The following TMEM212 variants were observed in gnomAD, a reference collection of about 807,000 sequenced individuals.
TMEM212 encodes the protein transmembrane protein 212.
A neutral mutation model predicts 20.5 loss-of-function variants in TMEM212; 23 were observed. The ratio of observed to expected loss-of-function variants is 1.12; its 90% CI spans 0.81 to 1.59. TMEM212 has a LOEUF of 1.59. Among genes scored for constraint, TMEM212 ranks in the 40% most tolerant of loss-of-function variants. The probability of loss-of-function intolerance (pLI) is 0.00; values close to 1 mark genes in which losing one functional copy is unlikely to be tolerated. For synonymous variants in TMEM212, 76 were observed against 81.6 expected (o/e 0.93, Z 0.37); for missense variants, 211 against 215.0 (o/e 0.98, Z 0.12).
At chr3:171,854,673 A>T (rs1247664853) in intron 3 of TMEM212, among the ~76,000 whole-genome samples, 1 of 152,214 alleles carries the variant, frequency 6.6e-6, no homozygotes, top group Non-Finnish European at 1.5e-5. Flanking sequence ...TCTACAAAAG[A>T]CCACACATAG....
intron 1 of TMEM212, among the ~76,000 whole-genome samples, chr3:171,851,153 C>T (rs1266090455): frequency 2.0e-5 from 3 of 152,194 alleles, no homozygotes; most frequent in East Asian, 3.8e-4. Flanking sequence ...CTCGCTCAAC[C>T]TCAAAAGAGC....
chr3:171,849,459 G>A (rs1042918955), intron 1 of TMEM212, among the ~76,000 whole-genome samples: 4 of 152,092 alleles, frequency 2.6e-5, no homozygotes, highest in African/African-American at 9.7e-5. Context: ...TAGCCTTTCT[G>A]TGCCTCATTT....
At chr3:171,851,862 A>C (rs1450145772) in intron 1 of TMEM212, 120 bp from the exon 2 acceptor site, 4 of 874,458 alleles carry the variant, frequency 4.6e-6, no homozygotes, top group Admixed American at 2.1e-5. Flanking sequence ...CCATAAATCC[A>C]CTGAGTCATT....
At chr3:171,854,774 G>A (rs1334778219) in intron 3 of TMEM212, among the ~76,000 whole-genome samples, 1 of 152,218 alleles carries the variant, frequency 6.6e-6, no homozygotes, top group East Asian at 1.9e-4. Flanking sequence ...AAAACAGTAA[G>A]GCACTAGCAT....
Position 171,853,810 on chromosome 3 carries a change from T to C in TMEM212, c.503T>C (p.Ile168Thr). The part of the protein sequence containing the change: ...TLLCTSLTVF[I>T]KLSARLIQNG... ...CTCTGTACATCCTTGACAGTGTTCA[T>C]CAAACTTTCTGCAAGACTTATCCAG... Residue 168 changes from isoleucine (I) to threonine (T), a missense_variant, in exon 3 of 5, where the codon ATC (isoleucine) becomes ACC (threonine). Transcript: ENST00000334567. 1 of 1,536,948 alleles carries C rather than the reference T, an allele frequency of 6.5e-7. No individual in the cohort carries two copies. Among genetic ancestry groups the C allele is most frequent in the Non-Finnish European group, 8.7e-7 (1 of 1,146,754 alleles).
At chr3:171,855,507 T>A (rs1484942044) in intron 3 of TMEM212, among the ~76,000 whole-genome samples, 2 of 152,142 alleles carry the variant, frequency 1.3e-5, no homozygotes, top group Non-Finnish European at 2.9e-5. Context: ...AAAACAATTA[T>A]TGAGTACCTA....
At chr3:171,851,374 G>T (rs73032463) in intron 1 of TMEM212, among the ~76,000 whole-genome samples, 1 of 152,084 alleles carries the variant, frequency 6.6e-6, no homozygotes, top group African/African-American at 2.4e-5. Flanking sequence ...CTTCAACAGA[G>T]ACTATAAAGA....
chr3:171,843,824 CTT>C lies in TMEM212; in HGVS notation c.159+283_159+284del, dbSNP rs1374477756. Among the ~76,000 whole-genome samples the C allele has an allele frequency of 3.5e-4, 54 of 152,246 alleles. 1 individual carries two copies. The highest frequency in any genetic ancestry group is 1.3e-3 in the African/African-American group (54 of 41,544). On this transcript the variant is annotated intron_variant, in intron 1 of 4. Transcript: ENST00000334567. Reference sequence around the variant, plus strand: ...AGTTATTTTATTTTAATCCACTTAACTTGATATGCTAAGAAATTAGAATCTTT... The same window carrying C: ...AGTTATTTTATTTTAATCCACTTAACGATATGCTAAGAAATTAGAATCTTT...
chr3:171,849,084 T>C (rs1724907441), intron 1 of TMEM212, among the ~76,000 whole-genome samples: 1 of 152,118 alleles, frequency 6.6e-6, no homozygotes, highest in Non-Finnish European at 1.5e-5. Context: ...TGCCAAGAAC[T>C]GGCCCTCCTT....
At position 171,858,614 on chromosome 3, in the gene TMEM212, C is replaced by A. The variant is rs2108383918; in HGVS notation, c.*557C>A. On this transcript the variant is annotated 3_prime_UTR_variant, in exon 5 of 5. Transcript: ENST00000334567. ...AAGGGCTTCTGCATGGCAAAAGAAA[C>A]TATCATCAGAGTGAACAGGCAACCT... The A allele has an allele frequency of 6.6e-6, 1 of 152,228 alleles. No individual in the cohort carries two copies. The highest frequency in any genetic ancestry group is 1.5e-5 in the Non-Finnish European group (1 of 68,030). The allele number at this position is 152,228 out of a possible 1,614,324, so 9.4% of individuals were successfully genotyped here.
At chr3:171,854,816 A>G (rs1453378979) in intron 3 of TMEM212, among the ~76,000 whole-genome samples, 3 of 152,200 alleles carry the variant, frequency 2.0e-5, no homozygotes, top group South Asian at 2.1e-4. Context: ...GGAACAGGAC[A>G]TAGAGCTCAG....
intron 1 of TMEM212, among the ~76,000 whole-genome samples, chr3:171,850,545 C>A (rs1432096305): frequency 6.6e-6 from 1 of 152,218 alleles, no homozygotes; most frequent in African/African-American, 2.4e-5. Flanking sequence ...GTGTTTCTCT[C>A]TCTGACAGAG....
At chr3:171,843,605 C>G in intron 1 of TMEM212, 63 bp downstream of exon 1, 2 of 1,363,998 alleles carry the variant, frequency 1.5e-6, no homozygotes, top group South Asian at 3.0e-5. Flanking sequence ...AAAGGGAAAA[C>G]AGAAGAACAT....
At chr3:171,853,466 C>T (rs1725035537) in intron 2 of TMEM212, 61 bp from the exon 3 acceptor site, 3 of 1,408,152 alleles carry the variant, frequency 2.1e-6, no homozygotes, top group African/African-American at 1.4e-5. Context: ...CTTCATATTG[C>T]TAAGAAGCCT....
chr3:171,848,801 T>C (rs1037167693), intron 1 of TMEM212, among the ~76,000 whole-genome samples: 1 of 151,968 alleles, frequency 6.6e-6, no homozygotes, highest in African/African-American at 2.4e-5. Context: ...AACTATGACA[T>C]AAAATGTATT....
intron 1 of TMEM212, among the ~76,000 whole-genome samples, chr3:171,844,836 G>A (rs1724796908): frequency 6.6e-6 from 1 of 152,092 alleles, no homozygotes; most frequent in South Asian, 2.1e-4. Context: ...CTACTTATTA[G>A]ATAAATATTT....
intron 3 of TMEM212, among the ~76,000 whole-genome samples, chr3:171,855,932 G>C (rs1725104093): frequency 6.6e-6 from 1 of 151,934 alleles, no homozygotes; most frequent in East Asian, 1.9e-4. Flanking sequence ...CTTTAAAAAA[G>C]GAAAATAGTT....
chr3:171,851,991 A>T lies in TMEM212; in HGVS notation c.169A>T (p.Thr57Ser), dbSNP rs1198759337. Residue 57 changes from threonine (T) to serine (S), a missense_variant, in exon 2 of 5, where the codon ACT (threonine) becomes TCT (serine). Coordinates refer to ENST00000334567, the MANE Select transcript of TMEM212 (RefSeq NM_001164436.2). Reference sequence around the variant, plus strand: ...CATTTTCTTGTCACAGGCCATCACAACTGGTGTGCTTCTACTGTTGGCTTA... The same window carrying T: ...CATTTTCTTGTCACAGGCCATCACATCTGGTGTGCTTCTACTGTTGGCTTA... ...PIWNGALAIT[T>S]GVLLLLAYRE... The T allele has an allele frequency of 2.6e-6, 4 of 1,537,030 alleles. 1 individual carries two copies. In the East Asian group the frequency reaches 9.8e-5, roughly 38 times the overall value.
At chr3:171,846,716 C>T (rs1724842596) in intron 1 of TMEM212, among the ~76,000 whole-genome samples, 2 of 152,154 alleles carry the variant, frequency 1.3e-5, no homozygotes, top group African/African-American at 2.4e-5. Context: ...GAAAGTAATA[C>T]AAATGCTCAG....
Sources: gnomAD v4.1 joint callset for allele counts (sites outside exome capture counted in the v4.1 genomes callset) on GRCh38, gnomAD v4.1.1 for gene constraint, MANE v1.5 for transcripts, NCBI Gene and HGNC (gene_info 2026-07-23, HGNC 2026-07-21) for gene names.